Variants in WDFY3 observed in about 807,000 individuals in gnomAD.
WDFY3 encodes WD repeat and FYVE domain containing 3.
In WDFY3, 66 loss-of-function variants were observed where a neutral mutation model predicts 409.6. The observed-to-expected ratio is 0.16, with a 90% CI of 0.13 to 0.20. The LOEUF (loss-of-function observed/expected upper bound fraction) is 0.20, where lower values mean the gene tolerates loss of function less well. WDFY3 is among the 10% of genes least tolerant of loss of function. The pLI, the probability that WDFY3 is intolerant of heterozygous loss-of-function variation, is 1.00. For synonymous variants in WDFY3, 1,521 were observed against 1,537.1 expected, an observed-to-expected ratio of 0.99 and a Z score of 0.25; for missense variants, 3,031 against 4,298.1, an observed-to-expected ratio of 0.71 and a Z score of 8.24.
At chr4:84,825,391 G>A (rs896159221) in intron 10 of WDFY3, among the ~76,000 whole-genome samples, 1 of 150,888 alleles carries the variant, frequency 6.6e-6, no homozygotes, top group Non-Finnish European at 1.5e-5. Flanking sequence ...AAGAGAAAGG[G>A]GGTCTTGCTC....
At chr4:84,745,327 T>A (rs892979511) in intron 36 of WDFY3, among the ~76,000 whole-genome samples, 1 of 152,224 alleles carries the variant, frequency 6.6e-6, no homozygotes, top group African/African-American at 2.4e-5. Flanking sequence ...TGTTTTAGAT[T>A]CAGGCACAGT....
chr4:84,787,612 T>C lies in WDFY3; in HGVS notation c.3771A>G (p.Gln1257=), dbSNP rs545879775. 8.7e-6 allele frequency: 14 copies of C among 1,614,134 alleles called. No individual in the cohort carries two copies. In the East Asian group the frequency reaches 1.8e-4, roughly 21 times the overall value. Residue 1257 remains glutamine, a synonymous_variant, in exon 23 of 68, where the codon CAA becomes CAG. Transcript: ENST00000295888. ...AYIGTPPAQR[Q]IASLVWRLGP... is the part of the protein sequence containing the mutation. ...CCAGGCGCCAAACCAATGAGGCAATTTGGCGTTGGGCAGGTGGAGTACCAA... is the reference window on the plus strand; with the variant it reads ...CCAGGCGCCAAACCAATGAGGCAATCTGGCGTTGGGCAGGTGGAGTACCAA...
chr4:84,704,879 A>T (rs182185098), intron 54 of WDFY3, among the ~76,000 whole-genome samples: 12 of 152,276 alleles, frequency 7.9e-5, no homozygotes, highest in Admixed American at 1.3e-4. Flanking sequence ...AGGGGGTGGG[A>T]AAAAAGAGTT....
At chr4:84,711,123 C>T (rs943750992) in intron 51 of WDFY3, among the ~76,000 whole-genome samples, 38 of 152,160 alleles carry the variant, frequency 2.5e-4, no homozygotes, top group African/African-American at 8.7e-4. Context: ...CAAAGCACTG[C>T]TTCTTTCCAG....
intron 48 of WDFY3, among the ~76,000 whole-genome samples, chr4:84,718,129 A>G (rs1246922553): frequency 6.6e-6 from 1 of 151,248 alleles, no homozygotes; most frequent in Non-Finnish European, 1.5e-5. Context: ...TTTTAAAAGG[A>G]CCATTTATAA....
intron 32 of WDFY3, among the ~76,000 whole-genome samples, chr4:84,763,369 G>A (rs1302977322): frequency 2.6e-5 from 4 of 151,798 alleles, no homozygotes; most frequent in African/African-American, 4.8e-5. Context: ...ATCATGCACC[G>A]GGGTCTGTTG....
At chr4:84,835,437 C>T (rs1756437222) in intron 7 of WDFY3, among the ~76,000 whole-genome samples, 1 of 152,204 alleles carries the variant, frequency 6.6e-6, no homozygotes, top group Non-Finnish European at 1.5e-5. Flanking sequence ...AGTTCTAATC[C>T]TATTCCTGCC....
chr4:84,758,943 C>T (rs970303557), intron 32 of WDFY3, among the ~76,000 whole-genome samples: 2 of 152,078 alleles, frequency 1.3e-5, no homozygotes, highest in East Asian at 1.9e-4. Flanking sequence ...TTAGGTCTAA[C>T]GTTTAAGTCT....
chr4:84,686,014 A>G (rs1359569276), intron 62 of WDFY3, among the ~76,000 whole-genome samples: 1 of 152,224 alleles, frequency 6.6e-6, no homozygotes, highest in Non-Finnish European at 1.5e-5. Context: ...GACCAACCCA[A>G]GGTGTTGTTC....
intron 42 of WDFY3, among the ~76,000 whole-genome samples, 177 bp from the exon 43 acceptor site, chr4:84,735,297 G>C (rs1483300489): frequency 6.6e-6 from 1 of 152,154 alleles, no homozygotes; most frequent in Admixed American, 6.5e-5. Context: ...ACACAGATCT[G>C]CATGCTCTCC....
At chr4:84,732,202 C>CA (rs1736710576) in intron 44 of WDFY3, among the ~76,000 whole-genome samples, 1 of 152,054 alleles carries the variant, frequency 6.6e-6, no homozygotes, top group Non-Finnish European at 1.5e-5. Flanking sequence ...AGCTATCTTC[C>CA]AAAATCTTAA....
At chr4:84,787,455 T>C in intron 23 of WDFY3, 27 bp downstream of exon 23, 2 of 1,600,314 alleles carry the variant, frequency 1.2e-6, no homozygotes, top group Non-Finnish European at 1.7e-6. Flanking sequence ...TTCATACAAC[T>C]TCAAGAACTA....
At chr4:84,922,974 C>T (rs1039980214) in intron 2 of WDFY3, among the ~76,000 whole-genome samples, 16 of 152,154 alleles carry the variant, frequency 1.1e-4, no homozygotes, top group African/African-American at 3.9e-4. Context: ...AAGTGTTTGG[C>T]CTATCTTCTA....
intron 1 of WDFY3, among the ~76,000 whole-genome samples, chr4:84,957,589 G>A (rs1394571587): frequency 2.0e-5 from 3 of 152,192 alleles, no homozygotes; most frequent in African/African-American, 7.2e-5. Context: ...GGAATTTGGA[G>A]TTAATGGTCA....
intron 8 of WDFY3, among the ~76,000 whole-genome samples, chr4:84,829,511 T>C (rs899008255): frequency 1.6e-4 from 25 of 152,256 alleles, no homozygotes; most frequent in Middle Eastern, 3.4e-3. Flanking sequence ...ATCTTTTATA[T>C]TGATATAGTA....
chr4:84,770,041 T>C (rs1299506032), intron 30 of WDFY3, among the ~76,000 whole-genome samples: 2 of 152,102 alleles, frequency 1.3e-5, no homozygotes, highest in Non-Finnish European at 2.9e-5. Context: ...TACTTTTTTT[T>C]TTTTTGAGAC....
intron 1 of WDFY3, among the ~76,000 whole-genome samples, chr4:84,935,872 A>T (rs1771337485): frequency 6.6e-6 from 1 of 152,188 alleles, no homozygotes; most frequent in Non-Finnish European, 1.5e-5. Flanking sequence ...AGTACATTCT[A>T]ACTACAATAT....
intron 53 of WDFY3, among the ~76,000 whole-genome samples, chr4:84,706,841 G>A (rs915899318): frequency 5.3e-5 from 8 of 152,066 alleles, no homozygotes; most frequent in Non-Finnish European, 8.8e-5. Context: ...TATATACACA[G>A]GAGCTGCACT....
chr4:84,800,677 A>G (rs554351844), intron 17 of WDFY3, among the ~76,000 whole-genome samples: 1 of 152,264 alleles, frequency 6.6e-6, no homozygotes, highest in South Asian at 2.1e-4. Flanking sequence ...GGTTTTGTGG[A>G]AGACAATTTT....
Sources: gnomAD v4.1 joint callset for allele counts (sites outside exome capture counted in the v4.1 genomes callset) on GRCh38, gnomAD v4.1.1 for gene constraint, MANE v1.5 for transcripts, NCBI Gene and HGNC (gene_info 2026-07-23, HGNC 2026-07-21) for gene names.